CUX2: variants seen among roughly 807,000 people sequenced by gnomAD.
The protein encoded by CUX2 is cut like homeobox 2, also known as homeobox protein cut-like 2.
In CUX2, 40 loss-of-function variants were observed where a neutral mutation model predicts 144.8. That is an observed-to-expected ratio of 0.28 (90% CI 0.21 to 0.36). CUX2 has a LOEUF of 0.36. Ranked by LOEUF, CUX2 falls within the 10% of genes least tolerant of loss-of-function variation. CUX2 has a pLI of 1.00. For synonymous variants in CUX2, 827 were observed against 875.6 expected (o/e 0.94, Z 0.98); for missense variants, 1,615 against 1,994.0 (o/e 0.81, Z 3.62).
At chr12:111,064,608 G>T (rs1870945665) in intron 1 of CUX2, among the ~76,000 whole-genome samples, 1 of 152,188 alleles carries the variant, frequency 6.6e-6, no homozygotes, top group Non-Finnish European at 1.5e-5. Flanking sequence ...GTTTCAGGGA[G>T]TTGCAAGATT....
At position 111,068,877 on chromosome 12, in the gene CUX2, G is replaced by A. The variant is rs1041582577; in HGVS notation, c.63+34637G>A. On this transcript the variant is annotated intron_variant, in intron 1 of 21. Coordinates refer to ENST00000261726, the MANE Select transcript of CUX2 (RefSeq NM_015267.4). This position sits in a 1 kb window ranked among gnomAD's most constrained non-coding sequence, Gnocchi z 4.9. ...TCCCAGCACTTTGGGAGGCCGAGGC[G>A]GGTGGATCATTTGAGGTCAGGAGTT... is the stretch of plus-strand genomic sequence containing the variant. 3.3e-5 allele frequency among the ~76,000 whole-genome samples: 5 copies of A among 152,138 alleles called. No individual in the cohort carries two copies. Among genetic ancestry groups the A allele is most frequent in the East Asian group, 1.9e-4 (1 of 5,180 alleles).
chr12:111,245,375 C>CAA (rs577968235), intron 3 of CUX2, among the ~76,000 whole-genome samples: 1 of 147,704 alleles, frequency 6.8e-6, no homozygotes, highest in Non-Finnish European at 1.5e-5. Flanking sequence ...CATCTCTACC[C>CAA]AAAAAAAAAA....
At chr12:111,269,404 A>G (rs1884533975) in intron 4 of CUX2, among the ~76,000 whole-genome samples, 1 of 152,194 alleles carries the variant, frequency 6.6e-6, no homozygotes. Flanking sequence ...TTACTCAGAT[A>G]GCATTTATTG....
chr12:111,228,052 C>T (rs905622437), intron 3 of CUX2, among the ~76,000 whole-genome samples: 2 of 152,170 alleles, frequency 1.3e-5, no homozygotes, highest in Admixed American at 1.3e-4. Flanking sequence ...CCACCCATTC[C>T]TTCATTGAGA....
chr12:111,276,929 G>A (rs1443741914), intron 4 of CUX2, among the ~76,000 whole-genome samples: 1 of 152,218 alleles, frequency 6.6e-6, no homozygotes, highest in Non-Finnish European at 1.5e-5. Flanking sequence ...TTACAGGCGT[G>A]AGCCACCGCA....
At position 111,263,802 on chromosome 12, in the gene CUX2, T is replaced by G. The variant is rs201675970; in HGVS notation, c.264T>G (p.Ala88=). The part of the protein sequence containing the change: ...LSKRSQEAEA[A]FLSVYKQLIE... Reference sequence around the variant, plus strand: ...AGAGAAGTCAGGAGGCGGAGGCTGCTTTTCTGAGTGTTTACAAGCAATTAA... The same window carrying G: ...AGAGAAGTCAGGAGGCGGAGGCTGCGTTTCTGAGTGTTTACAAGCAATTAA... The change falls in exon 4 of 22, where the codon GCT becomes GCG. Residue 88 remains alanine, a synonymous_variant. Coordinates refer to ENST00000261726, the MANE Select transcript of CUX2 (RefSeq NM_015267.4). This position sits in a 1 kb window ranked among gnomAD's most constrained non-coding sequence, Gnocchi z 4.0. 50 of 1,614,164 alleles carry G rather than the reference T, an allele frequency of 3.1e-5. No homozygotes were observed. In the African/African-American group the frequency reaches 4.9e-4, roughly 16 times the overall value.
intron 21 of CUX2, among the ~76,000 whole-genome samples, chr12:111,347,261 C>G (rs541827953): frequency 9.9e-5 from 15 of 152,276 alleles, no homozygotes; most frequent in African/African-American, 2.6e-4. Flanking sequence ...GTGTTCAAGT[C>G]TCGGTTCTGC....
At chr12:111,145,735 C>T (rs1434195081) in intron 1 of CUX2, among the ~76,000 whole-genome samples, 3 of 151,906 alleles carry the variant, frequency 2.0e-5, no homozygotes, top group African/African-American at 4.8e-5. Flanking sequence ...GGCGTGATCT[C>T]GGCTCTCTGC....
intron 1 of CUX2, among the ~76,000 whole-genome samples, chr12:111,179,961 G>T (rs2136179204): frequency 6.6e-6 from 1 of 152,334 alleles, no homozygotes; most frequent in South Asian, 2.1e-4. Flanking sequence ...GGGATTACAG[G>T]CGTGAGCCAC....
At chr12:111,223,950 C>T (rs1269343371) in intron 3 of CUX2, among the ~76,000 whole-genome samples, 2 of 152,184 alleles carry the variant, frequency 1.3e-5, no homozygotes, top group African/African-American at 4.8e-5. Flanking sequence ...CTGGCATTCA[C>T]TGGTGCTTAG....
intron 1 of CUX2, among the ~76,000 whole-genome samples, chr12:111,145,005 G>A (rs1408743445): frequency 2.6e-5 from 4 of 152,190 alleles, no homozygotes; most frequent in South Asian, 2.1e-4. Context: ...TGCCCTGGAC[G>A]CAGCTTGGCC....
At chr12:111,333,995 G>A (rs1204171788) in intron 18 of CUX2, among the ~76,000 whole-genome samples, 1 of 151,914 alleles carries the variant, frequency 6.6e-6, no homozygotes, top group Non-Finnish European at 1.5e-5. Context: ...AGACCATCCT[G>A]GCTAACATGG....
intron 1 of CUX2, among the ~76,000 whole-genome samples, chr12:111,081,071 T>C (rs1393329390): frequency 6.6e-6 from 1 of 152,120 alleles, no homozygotes; most frequent in Admixed American, 6.5e-5. Context: ...GTGGGAGTGT[T>C]TCTGGAGAGT....
chr12:111,128,219 C>A (rs1168633809), intron 1 of CUX2, among the ~76,000 whole-genome samples: 3 of 152,226 alleles, frequency 2.0e-5, no homozygotes, highest in Non-Finnish European at 4.4e-5. Flanking sequence ...ATTTCTCCTT[C>A]TAAGCCAAGT....
intron 2 of CUX2, 76 bp from the exon 3 acceptor site, chr12:111,217,814 C>A (rs1396395771): frequency 1.4e-6 from 2 of 1,456,198 alleles, no homozygotes; most frequent in Non-Finnish European, 1.9e-6. Context: ...CCAGGGACAG[C>A]AGCGAGCTAC....
chr12:111,304,050 G>C lies in CUX2; in HGVS notation c.754-160G>C. On this transcript the variant is annotated intron_variant, in intron 9 of 21. Transcript: ENST00000261726. This position sits in a 1 kb window ranked among gnomAD's most constrained non-coding sequence, Gnocchi z 4.7. Reference sequence around the variant, plus strand: ...GTCCCCAGCCCAGACAGGGCTCTGTGACTGGTCTTCATAGCTCCAGGACAG... The same window carrying C: ...GTCCCCAGCCCAGACAGGGCTCTGTCACTGGTCTTCATAGCTCCAGGACAG... 3.4e-6 allele frequency: 2 copies of C among 593,462 alleles called. No individual in the cohort carries two copies. The highest frequency in any genetic ancestry group is 4.5e-4 in the Middle Eastern group (1 of 2,210). The allele number at this position is 593,462 out of a possible 1,614,324, so 36.8% of individuals were successfully genotyped here.
At chr12:111,286,149 A>T (rs1885367201) in intron 4 of CUX2, among the ~76,000 whole-genome samples, 1 of 152,220 alleles carries the variant, frequency 6.6e-6, no homozygotes, top group African/African-American at 2.4e-5. Flanking sequence ...TCCACAGAGC[A>T]TATCTGCCCA....
At chr12:111,156,844 G>T (rs956776987) in intron 1 of CUX2, among the ~76,000 whole-genome samples, 6 of 151,854 alleles carry the variant, frequency 4.0e-5, no homozygotes, top group Admixed American at 3.9e-4. Flanking sequence ...AGGAGTGGTG[G>T]CGCATGCCTG....
At chr12:111,156,985 C>CAAAAAAAAAAA (rs1200398908) in intron 1 of CUX2, among the ~76,000 whole-genome samples, 3 of 18,984 alleles carry the variant, frequency 1.6e-4, no homozygotes, top group South Asian at 2.1e-3. Flanking sequence ...AAACTTCTCT[C>CAAAAAAAAAAA]AAAAAAAAAA....
Sources: gnomAD v4.1 joint callset for allele counts (sites outside exome capture counted in the v4.1 genomes callset) on GRCh38, gnomAD v4.1.1 for gene constraint, Gnocchi (gnomAD v3.1) non-coding constraint, MANE v1.5 for transcripts, NCBI Gene and HGNC (gene_info 2026-07-23, HGNC 2026-07-21) for gene names.